Variants in SMC1B observed in about 807,000 individuals in gnomAD.
SMC1B encodes structural maintenance of chromosomes 1B.
Under a neutral mutation model 157.9 loss-of-function variants are expected in SMC1B, and 60 were observed. That is an observed-to-expected ratio of 0.38 (90% CI 0.31 to 0.47). The LOEUF (loss-of-function observed/expected upper bound fraction) is 0.47, where lower values mean the gene tolerates loss of function less well. SMC1B is among the 20% of genes least tolerant of loss of function. The pLI, the probability that SMC1B is intolerant of heterozygous loss-of-function variation, is 0.99. For synonymous variants in SMC1B, 445 were observed against 483.0 expected (o/e 0.92, Z 1.03); for missense variants, 1,165 against 1,426.2 (o/e 0.82, Z 2.95).
chr22:45,408,330 T>C (rs1366906614), intron 2 of SMC1B, among the ~76,000 whole-genome samples: 3 of 152,154 alleles, frequency 2.0e-5, no homozygotes, highest in Non-Finnish European at 4.4e-5. Context: ...TTTCATCGTG[T>C]TAGCCAGGAT....
At chr22:45,354,227 A>C in intron 20 of SMC1B, 95 bp from the exon 21 acceptor site, 1 of 1,024,172 alleles carries the variant, frequency 9.8e-7, no homozygotes, top group Non-Finnish European at 1.4e-6. Flanking sequence ...ATTGGATTTG[A>C]GTTTGGATCT....
At chr22:45,369,273 T>G (rs1208120663) in intron 15 of SMC1B, among the ~76,000 whole-genome samples, 1 of 151,858 alleles carries the variant, frequency 6.6e-6, no homozygotes, top group Non-Finnish European at 1.5e-5. Flanking sequence ...ATTTTTTGTA[T>G]TTTTAGTAGA....
chr22:45,352,348 AT>A, intron 22 of SMC1B, 102 bp downstream of exon 22: 1 of 1,076,060 alleles, frequency 9.3e-7, no homozygotes, highest in South Asian at 2.8e-5. Flanking sequence ...TTTGTATCTC[AT>A]TTGCTAAATA....
intron 23 of SMC1B, among the ~76,000 whole-genome samples, chr22:45,349,300 C>T (rs575681345): frequency 6.6e-6 from 1 of 152,072 alleles, no homozygotes; most frequent in Non-Finnish European, 1.5e-5. Context: ...CAGGCGTGAG[C>T]CACGGGTGCC....
chr22:45,379,166 G>A (rs1291233572), intron 12 of SMC1B, among the ~76,000 whole-genome samples: 1 of 152,134 alleles, frequency 6.6e-6, no homozygotes. Context: ...ATTTTTAGTA[G>A]AGACAGGGTT....
intron 12 of SMC1B, among the ~76,000 whole-genome samples, chr22:45,374,194 G>A (rs1275221941): frequency 1.4e-5 from 2 of 147,198 alleles, no homozygotes; most frequent in African/African-American, 2.5e-5. Flanking sequence ...AAAATGACTG[G>A]TTGTTTAAGA....
At chr22:45,353,937 C>T (rs760812560) in intron 21 of SMC1B, 41 bp downstream of exon 21, 3 of 413,600 alleles carry the variant, frequency 7.3e-6, no homozygotes, top group South Asian at 6.0e-5. Flanking sequence ...CCACCGGTAA[C>T]ACAGAATTCT....
chr22:45,363,406 G>A (rs1309471287), intron 15 of SMC1B, among the ~76,000 whole-genome samples: 1 of 152,124 alleles, frequency 6.6e-6, no homozygotes, highest in Non-Finnish European at 1.5e-5. Flanking sequence ...TTTATTCTGG[G>A]CGCAGTGGCT....
intron 1 of SMC1B, among the ~76,000 whole-genome samples, chr22:45,409,657 A>T (rs1283990653): frequency 6.6e-6 from 1 of 152,122 alleles, no homozygotes; most frequent in East Asian, 1.9e-4. Flanking sequence ...CTAGATTAAA[A>T]TTGTTTGATT....
intron 15 of SMC1B, among the ~76,000 whole-genome samples, chr22:45,364,006 G>C (rs1167189472): frequency 6.6e-6 from 1 of 151,984 alleles, no homozygotes; most frequent in Non-Finnish European, 1.5e-5. Flanking sequence ...GTGCTACCAT[G>C]CCCGGCTAAT....
intron 15 of SMC1B, among the ~76,000 whole-genome samples, chr22:45,367,857 AG>A (rs1178614436): frequency 6.6e-6 from 1 of 152,224 alleles, no homozygotes; most frequent in Non-Finnish European, 1.5e-5. Context: ...CTGTGGCTTC[AG>A]GAACTGTCTC....
At chr22:45,409,413 A>C (rs1489754416) in intron 1 of SMC1B, among the ~76,000 whole-genome samples, 2 of 152,022 alleles carry the variant, frequency 1.3e-5, no homozygotes, top group Non-Finnish European at 2.9e-5. Context: ...AAAAATATAA[A>C]AAATAGCCGA....
At position 45,413,521 on chromosome 22, in the gene SMC1B, C is replaced by T; in HGVS notation, c.47G>A (p.Arg16Gln). 6.2e-7 allele frequency: 1 copy of T among 1,612,286 alleles called. No individual in the cohort carries two copies. Among genetic ancestry groups the T allele is most frequent in the Non-Finnish European group, 8.5e-7 (1 of 1,179,244 alleles). Reference sequence around the variant, plus strand: ...GAAGGGGCCAATGACCTGGCGGCCCCGCCACGACTTGAAATTTTCCACAAG... The same window carrying T: ...GAAGGGGCCAATGACCTGGCGGCCCTGCCACGACTTGAAATTTTCCACAAG... ...LLLVENFKSW[R>Q]GRQVIGPFRR... The change falls in exon 1 of 25, where the codon CGG becomes CAG. Residue 16 changes from arginine (R) to glutamine (Q), a missense_variant. Coordinates refer to ENST00000357450, the MANE Select transcript of SMC1B (RefSeq NM_148674.5).
chr22:45,356,466 T>C (rs982053232), intron 19 of SMC1B, among the ~76,000 whole-genome samples: 6 of 152,232 alleles, frequency 3.9e-5, no homozygotes, highest in African/African-American at 1.2e-4. Context: ...GTTAAGGACT[T>C]GCCCCAGAGA....
Position 45,386,982 on chromosome 22 carries a change from T to C in SMC1B, c.1796A>G (p.Lys599Arg), listed in dbSNP as rs1569189712. 1 of 1,614,064 alleles carries C rather than the reference T, an allele frequency of 6.2e-7. No homozygotes were observed. Among genetic ancestry groups the C allele is most frequent in the Non-Finnish European group, 8.5e-7 (1 of 1,179,924 alleles). ...KGCKMVIDVI[K>R]TQFPQLKKVI... The stretch of plus-strand genomic sequence containing the variant: ...TTTCTTCAGCTGAGGAAACTGAGTC[T>C]TTATGACATCAATCACCATTTTACA... The change falls in exon 11 of 25, where the codon AAG becomes AGG. Residue 599 changes from lysine to arginine, a missense_variant. Coordinates refer to ENST00000357450, the MANE Select transcript of SMC1B (RefSeq NM_148674.5).
chr22:45,359,961 G>A lies in SMC1B; in HGVS notation c.2709-3C>T. ...CTTTTTGCAATTTCCCCACTTCCCTGTAATTACACAGATATGAAAAAGTAA... is the reference window on the plus strand; with the variant it reads ...CTTTTTGCAATTTCCCCACTTCCCTATAATTACACAGATATGAAAAAGTAA... On this transcript the variant is annotated splice_polypyrimidine_tract_variant and splice_region_variant and intron_variant, in intron 17 of 24. Coordinates refer to ENST00000357450, the MANE Select transcript of SMC1B (RefSeq NM_148674.5). The A allele has an allele frequency of 6.2e-7, 1 of 1,611,182 alleles. No homozygotes were observed. Among genetic ancestry groups the A allele is most frequent in the Non-Finnish European group, 8.5e-7 (1 of 1,177,930 alleles).
intron 19 of SMC1B, among the ~76,000 whole-genome samples, chr22:45,357,087 T>C (rs2086677815): frequency 6.6e-6 from 1 of 152,260 alleles, no homozygotes; most frequent in African/African-American, 2.4e-5. Context: ...GGAAAGGCAG[T>C]TTTTTGCATG....
At chr22:45,390,804 T>C (rs555369814) in intron 9 of SMC1B, among the ~76,000 whole-genome samples, 1 of 152,242 alleles carries the variant, frequency 6.6e-6, no homozygotes, top group African/African-American at 2.4e-5. Flanking sequence ...GTTCAAAAAC[T>C]TTACTAGAAA....
rs575924743 is a variant in SMC1B, at chr22:45,364,030, A to T, written c.2421-1004T>A. On this transcript the variant is annotated intron_variant, in intron 15 of 24. Transcript: ENST00000357450. ...TGCCCGGCTAATTTTTGTATTTTTA[A>T]TAGAGACAGGGTTTCGCCATGTTGG... is the stretch of plus-strand genomic sequence containing the variant. Among the ~76,000 whole-genome samples, 107 of 151,918 alleles carry T rather than the reference A, an allele frequency of 7.0e-4. 1 individual carries two copies. The highest frequency in any genetic ancestry group is 4.8e-3 in the South Asian group (23 of 4,796).
Sources: gnomAD v4.1 joint callset for allele counts (sites outside exome capture counted in the v4.1 genomes callset) on GRCh38, gnomAD v4.1.1 for gene constraint, MANE v1.5 for transcripts, NCBI Gene and HGNC (gene_info 2026-07-23, HGNC 2026-07-21) for gene names.